RASGRP3: variants seen among roughly 807,000 people sequenced by gnomAD.
The protein encoded by RASGRP3 is ras guanyl-releasing protein 3.
Under a neutral mutation model 82.7 loss-of-function variants are expected in RASGRP3, and 54 were observed. That is an observed-to-expected ratio of 0.65 (90% CI 0.52 to 0.82). RASGRP3 has a LOEUF of 0.82. RASGRP3 is among the 40% of genes least tolerant of loss of function. The pLI, the probability that RASGRP3 is intolerant of heterozygous loss-of-function variation, is 0.00. For missense variants in RASGRP3, 861 were observed against 828.9 expected (o/e 1.04, Z -0.48); for synonymous variants, 309 against 300.5 (o/e 1.03, Z -0.29).
At chr2:33,467,236 G>A (rs1160260571) in intron 2 of RASGRP3, among the ~76,000 whole-genome samples, 1 of 152,026 alleles carries the variant, frequency 6.6e-6, no homozygotes, top group Non-Finnish European at 1.5e-5. Context: ...TTCAGTTATT[G>A]ATATTGGTTT....
intron 2 of RASGRP3, among the ~76,000 whole-genome samples, chr2:33,451,563 A>T (rs1302245894): frequency 6.6e-6 from 1 of 152,102 alleles, no homozygotes; most frequent in African/African-American, 2.4e-5. Flanking sequence ...TAAGTTTTTA[A>T]TCTATTTTGA....
intron 15 of RASGRP3, among the ~76,000 whole-genome samples, chr2:33,556,928 C>CACATACAT (rs1553366467): frequency 0.022 from 3,256 of 148,392 alleles, 64 homozygotes; most frequent in South Asian, 0.054. Context: ...CACACACACA[C>CACATACAT]GCAATTTTAT....
chr2:33,456,576 C>G lies in RASGRP3; in HGVS notation c.-261+8633C>G, dbSNP rs143781366. On this transcript the variant is annotated intron_variant, in intron 2 of 18. Coordinates refer to the RASGRP3 transcript ENST00000402538. ...CTGATCTCAGTCTTCCATCTTATTCCTGTTGAAAATTTTAGTTCCACTCTG... is the reference window on the plus strand; with the variant it reads ...CTGATCTCAGTCTTCCATCTTATTCGTGTTGAAAATTTTAGTTCCACTCTG... Among the ~76,000 whole-genome samples the G allele has an allele frequency of 7.9e-5, 12 of 152,210 alleles. No homozygotes were observed. In the South Asian group the frequency reaches 8.3e-4, roughly 11 times the overall value.
intron 5 of RASGRP3, 132 bp from the exon 6 acceptor site, chr2:33,520,421 T>G: frequency 8.3e-7 from 1 of 1,197,786 alleles, no homozygotes; most frequent in Non-Finnish European, 1.2e-6. Context: ...AGACAGGAGA[T>G]GGCTAATTTG....
chr2:33,491,648 A>C (rs898670144), intron 1 of RASGRP3, among the ~76,000 whole-genome samples: 7 of 152,258 alleles, frequency 4.6e-5, no homozygotes, highest in Non-Finnish European at 1.0e-4. Flanking sequence ...TTGCGTTTGC[A>C]TCTGAACTCT....
intron 2 of RASGRP3, among the ~76,000 whole-genome samples, chr2:33,467,211 C>A (rs924120788): frequency 6.6e-6 from 1 of 152,026 alleles, no homozygotes; most frequent in African/African-American, 2.4e-5. Context: ...CATTGAACAC[C>A]GGCACTATAT....
intron 2 of RASGRP3, among the ~76,000 whole-genome samples, chr2:33,466,962 A>G (rs760020918): frequency 6.6e-6 from 1 of 152,088 alleles, no homozygotes; most frequent in African/African-American, 2.4e-5. Flanking sequence ...CAACCTCACG[A>G]AAAGTCATCT....
intron 1 of RASGRP3, among the ~76,000 whole-genome samples, chr2:33,510,884 GA>G (rs1178876254): frequency 6.6e-6 from 1 of 152,072 alleles, no homozygotes; most frequent in East Asian, 1.9e-4. Flanking sequence ...ATCTGTTAAT[GA>G]ACAGTTACAT....
chr2:33,518,907 T>C (rs1434849130), intron 4 of RASGRP3, among the ~76,000 whole-genome samples: 2 of 152,218 alleles, frequency 1.3e-5, no homozygotes, highest in Non-Finnish European at 1.5e-5. Flanking sequence ...CAATCCCTTC[T>C]TCTGGAATAG....
At chr2:33,488,694 G>A (rs192679785) in intron 1 of RASGRP3, among the ~76,000 whole-genome samples, 105 of 152,266 alleles carry the variant, frequency 6.9e-4, no homozygotes, top group African/African-American at 2.3e-3. Flanking sequence ...TTAGTCAGGC[G>A]GGGAATACAT....
intron 1 of RASGRP3, among the ~76,000 whole-genome samples, chr2:33,484,251 C>CT (rs1668173215): frequency 6.6e-6 from 1 of 152,228 alleles, no homozygotes; most frequent in Non-Finnish European, 1.5e-5. Context: ...TGGCCACACT[C>CT]TAACAACTTG....
At chr2:33,503,511 A>G (rs1326643975) in intron 1 of RASGRP3, among the ~76,000 whole-genome samples, 1 of 152,180 alleles carries the variant, frequency 6.6e-6, no homozygotes, top group Non-Finnish European at 1.5e-5. Flanking sequence ...GGGAATGACA[A>G]AGTTATTAAG....
chr2:33,545,914 C>A (rs556886484), intron 13 of RASGRP3, among the ~76,000 whole-genome samples: 1 of 152,246 alleles, frequency 6.6e-6, no homozygotes, highest in South Asian at 2.1e-4. Context: ...AAGTGATTCT[C>A]ATGCCTGAGC....
At chr2:33,554,070 C>A (rs1169713247) in intron 14 of RASGRP3, among the ~76,000 whole-genome samples, 2 of 152,118 alleles carry the variant, frequency 1.3e-5, no homozygotes, top group African/African-American at 4.8e-5. Flanking sequence ...TCTGAAGGAC[C>A]AAATAGCTGT....
At chr2:33,461,786 AG>A (rs1666381377) in intron 2 of RASGRP3, among the ~76,000 whole-genome samples, 1 of 152,240 alleles carries the variant, frequency 6.6e-6, no homozygotes, top group African/African-American at 2.4e-5. Flanking sequence ...TACAGTCAAA[AG>A]ATTGAGCAAA....
intron 2 of RASGRP3, among the ~76,000 whole-genome samples, chr2:33,450,818 C>CTTTCT (rs1665748552): frequency 4.6e-5 from 2 of 43,420 alleles, no homozygotes; most frequent in African/African-American, 1.5e-4. Context: ...CTCTTTCTTT[C>CTTTCT]TTTCTTTTTT....
intron 1 of RASGRP3, among the ~76,000 whole-genome samples, chr2:33,479,537 C>T (rs958833961): frequency 6.6e-6 from 1 of 152,150 alleles, no homozygotes; most frequent in African/African-American, 2.4e-5. Flanking sequence ...AAACCATGCA[C>T]TCTGCCACTC....
At chr2:33,471,543 T>G (rs191157729) in intron 2 of RASGRP3, among the ~76,000 whole-genome samples, 1 of 152,088 alleles carries the variant, frequency 6.6e-6, no homozygotes, top group African/African-American at 2.4e-5. Context: ...TGGTTTTCTT[T>G]ATTATGCTTT....
chr2:33,483,742 G>GCCT (rs1668134937), intron 1 of RASGRP3, among the ~76,000 whole-genome samples: 1 of 152,080 alleles, frequency 6.6e-6, no homozygotes, highest in African/African-American at 2.4e-5. Context: ...GCCTGCCTCG[G>GCCT]CCTCCCAAAG....
Sources: gnomAD v4.1 joint callset for allele counts (sites outside exome capture counted in the v4.1 genomes callset) on GRCh38, gnomAD v4.1.1 for gene constraint, MANE v1.5 for transcripts, NCBI Gene and HGNC (gene_info 2026-07-23, HGNC 2026-07-21) for gene names.